Variants in SLC9A7 observed in about 807,000 individuals in gnomAD.
The protein encoded by SLC9A7 is solute carrier family 9 member A7, also known as sodium/hydrogen exchanger 7.
Under a neutral mutation model 52.6 loss-of-function variants are expected in SLC9A7, and 19 were observed. That is an observed-to-expected ratio of 0.36 (90% confidence interval 0.25 to 0.53). The LOEUF is 0.53. Among genes scored for constraint, SLC9A7 ranks in the 20% least tolerant of loss-of-function variants. The pLI, the probability that SLC9A7 is intolerant of heterozygous loss-of-function variation, is 0.91. For synonymous variants in SLC9A7, 226 were observed against 252.1 expected, an observed-to-expected ratio of 0.90 and a Z score of 0.98; for missense variants, 455 against 597.9, an observed-to-expected ratio of 0.76 and a Z score of 2.49.
At chrX:46,652,102 C>A (rs915240490) in intron 8 of SLC9A7, among the ~76,000 whole-genome samples, 2 of 111,391 alleles carry the variant, frequency 1.8e-5, no homozygotes, top group Admixed American at 9.6e-5. Context: ...ATATTCCTCA[C>A]TGTTTTTAGA....
At chrX:46,647,329 G>A (rs1943510265) in intron 11 of SLC9A7, 2 of 147,453 alleles carry the variant, frequency 1.4e-5, no homozygotes, top group South Asian at 1.6e-4. Flanking sequence ...CTGGTAGGCG[G>A]CAGTGGTGGT....
At chrX:46,653,328 G>A (rs1033299884) in intron 8 of SLC9A7, among the ~76,000 whole-genome samples, 1 of 111,656 alleles carries the variant, frequency 9.0e-6, no homozygotes, top group Non-Finnish European at 1.9e-5. Flanking sequence ...CTAGGAGTTC[G>A]AGGTTACAGT....
At chrX:46,718,136 A>G (rs1235511533) in intron 1 of SLC9A7, among the ~76,000 whole-genome samples, 1 of 111,648 alleles carries the variant, frequency 9.0e-6, no homozygotes, top group Non-Finnish European at 1.9e-5. Flanking sequence ...CCTCAGAAAT[A>G]ATACCACACA....
chrX:46,706,669 T>A (rs1189785990), intron 1 of SLC9A7, among the ~76,000 whole-genome samples: 1 of 111,599 alleles, frequency 9.0e-6, no homozygotes, highest in Non-Finnish European at 1.9e-5. Context: ...GCATTCCCTG[T>A]CCCTGTGAGA....
At position 46,662,047 on chromosome X, in the gene SLC9A7, A is replaced by G. The variant is rs1380479095; in HGVS notation, c.1010T>C (p.Met337Thr). Reference protein sequence around the residue: ...FLGIFSGSFTMGAVTGVVTAL... With the variant: ...FLGIFSGSFTTGAVTGVVTAL... ...AGTCACAACACCAGTCACAGCTCCCATGGTAAAAGAGCCACTAAATATACC... is the reference window on the plus strand; with the variant it reads ...AGTCACAACACCAGTCACAGCTCCCGTGGTAAAAGAGCCACTAAATATACC... The change falls in exon 7 of 17, where the codon ATG (methionine) becomes ACG (threonine). Residue 337 changes from methionine (M) to threonine (T), a missense_variant. Around this residue, in one of 3 missense-constraint regions of SLC9A7, gnomAD observed 304 missense variants for 417.8 expected, o/e 0.73. Coordinates refer to ENST00000616978, the MANE Select transcript of SLC9A7 (RefSeq NM_001257291.2). 8.3e-7 allele frequency: 1 copy of G among 1,198,757 alleles called. No homozygotes were observed. The highest frequency in any genetic ancestry group is 1.1e-6 in the Non-Finnish European group (1 of 889,132).
chrX:46,744,042 T>C (rs1464089824), intron 1 of SLC9A7, among the ~76,000 whole-genome samples: 3 of 112,757 alleles, frequency 2.7e-5, no homozygotes, highest in Non-Finnish European at 5.6e-5. Context: ...AGCTCTATGC[T>C]ATCAGAGACT....
chrX:46,710,534 T>C (rs928149990), intron 1 of SLC9A7, among the ~76,000 whole-genome samples: 2 of 110,678 alleles, frequency 1.8e-5, no homozygotes, highest in African/African-American at 6.6e-5. Context: ...CAAACTGCAA[T>C]GTGACTCACC....
chrX:46,630,852 G>GCC (rs1208136037), intron 14 of SLC9A7, among the ~76,000 whole-genome samples: 1 of 112,209 alleles, frequency 8.9e-6, no homozygotes, highest in African/African-American at 3.2e-5. Flanking sequence ...AGGTGATATA[G>GCC]CCTCTACCTT....
At chrX:46,730,588 A>T (rs1249054518) in intron 1 of SLC9A7, among the ~76,000 whole-genome samples, 1 of 98,815 alleles carries the variant, frequency 1.0e-5, no homozygotes, top group Non-Finnish European at 2.0e-5. Context: ...TGAGCCCAGG[A>T]GGTCAAGGCT....
chrX:46,619,468 T>C (rs1943006941), intron 15 of SLC9A7, among the ~76,000 whole-genome samples: 1 of 111,757 alleles, frequency 8.9e-6, no homozygotes, highest in Non-Finnish European at 1.9e-5. Context: ...GAATAAATTG[T>C]GATATATTTA....
intron 13 of SLC9A7, among the ~76,000 whole-genome samples, chrX:46,633,637 C>T (rs1043240097): frequency 5.0e-5 from 5 of 100,716 alleles, no homozygotes; most frequent in Non-Finnish European, 9.9e-5. Context: ...AACTGGGCAG[C>T]AAGAAAGAAC....
chrX:46,737,769 G>A (rs781599216), intron 1 of SLC9A7, among the ~76,000 whole-genome samples: 9 of 111,091 alleles, frequency 8.1e-5, no homozygotes, highest in African/African-American at 1.3e-4. Context: ...GCTCATGCCC[G>A]TAATTCCAGC....
At chrX:46,666,609 T>C (rs186538785) in intron 5 of SLC9A7, among the ~76,000 whole-genome samples, 138 of 112,453 alleles carry the variant, frequency 1.2e-3, no homozygotes, top group Non-Finnish European at 1.9e-3. Context: ...CCAGTCTTCA[T>C]AGGCCAAATG....
chrX:46,721,161 A>T (rs1944853850), intron 1 of SLC9A7, among the ~76,000 whole-genome samples: 1 of 112,170 alleles, frequency 8.9e-6, no homozygotes, highest in South Asian at 3.7e-4. Flanking sequence ...GATCTTACAA[A>T]ATTCCAGGGA....
intron 2 of SLC9A7, among the ~76,000 whole-genome samples, chrX:46,681,636 A>AT (rs1454768440): frequency 8.9e-6 from 1 of 112,324 alleles, no homozygotes; most frequent in Non-Finnish European, 1.9e-5. Flanking sequence ...AGACCGCTAT[A>AT]CAGAAGGCTT....
intron 10 of SLC9A7, among the ~76,000 whole-genome samples, chrX:46,650,469 C>T (rs1457734653): frequency 9.0e-6 from 1 of 110,800 alleles, no homozygotes; most frequent in Non-Finnish European, 1.9e-5. Flanking sequence ...TTCTTCCCTT[C>T]ATTTTTCTTT....
rs187096985 is a variant in SLC9A7, at chrX:46,697,996, C to T, written c.326-15461G>A. On this transcript the variant is annotated intron_variant, in intron 1 of 16. Coordinates refer to ENST00000616978, the MANE Select transcript of SLC9A7 (RefSeq NM_001257291.2). ...TAGACCCCAATCTCCCATAGCACTC[C>T]CAGGCTTATTAGGAAGAGGAAATTC... Among the ~76,000 whole-genome samples the T allele has an allele frequency of 1.5e-3, 162 of 111,215 alleles. 1 individual carries two copies. In the South Asian group the frequency reaches 0.039, roughly 26 times the overall value.
At chrX:46,738,056 A>T in intron 1 of SLC9A7, among the ~76,000 whole-genome samples, 1 of 56,980 alleles carries the variant, frequency 1.8e-5, no homozygotes, top group East Asian at 3.7e-4. Context: ...AGAAAGAAAG[A>T]AAGAAAGAAA....
intron 12 of SLC9A7, among the ~76,000 whole-genome samples, chrX:46,642,845 G>A (rs1164067944): frequency 1.8e-5 from 2 of 111,603 alleles, no homozygotes; most frequent in Admixed American, 1.9e-4. Flanking sequence ...TGGCTGGTGA[G>A]CTTATTCTTC....
Sources: allele counts gnomAD v4.1 joint callset (sites outside exome capture counted in the v4.1 genomes callset), GRCh38; gene constraint gnomAD v4.1.1; regional missense constraint gnomAD v4.1.1; transcripts MANE v1.5; gene names NCBI Gene and HGNC (gene_info 2026-07-23, HGNC 2026-07-21).